The following PGM5 variants were observed in gnomAD, a reference collection of about 807,000 sequenced individuals.
PGM5 encodes phosphoglucomutase-like protein 5.
In PGM5, 23 loss-of-function variants were observed where a neutral mutation model predicts 59.2. That is an observed-to-expected ratio of 0.39 (90% CI 0.28 to 0.55). The LOEUF (loss-of-function observed/expected upper bound fraction) is 0.55, where lower values mean the gene tolerates loss of function less well. PGM5 is among the 20% of genes least tolerant of loss of function. The pLI is 0.66. For synonymous variants in PGM5, 214 were observed against 286.0 expected, an observed-to-expected ratio of 0.75 and a Z score of 2.54; for missense variants, 574 against 748.3, an observed-to-expected ratio of 0.77 and a Z score of 2.72.
intron 6 of PGM5, among the ~76,000 whole-genome samples, chr9:68,450,009 A>G (rs62553013): frequency 6.6e-6 from 1 of 152,198 alleles, no homozygotes; most frequent in African/African-American, 2.4e-5. Context: ...GGGTTTGACC[A>G]GTATAGTCAG....
intron 6 of PGM5, chr9:68,395,624 T>C (rs1681971200): frequency 6.6e-6 from 1 of 152,194 alleles, no homozygotes; most frequent in South Asian, 2.1e-4. Context: ...TACATGTATT[T>C]CATAATTTTT....
At chr9:68,483,814 C>T (rs782306675) in intron 8 of PGM5, 51 bp from the exon 9 acceptor site, 1 of 1,549,908 alleles carries the variant, frequency 6.5e-7, no homozygotes, top group South Asian at 1.1e-5. Flanking sequence ...AGTGGGCCAC[C>T]CAGTTGCTGG....
intron 6 of PGM5, among the ~76,000 whole-genome samples, chr9:68,403,730 A>G (rs1340108496): frequency 6.6e-6 from 1 of 151,910 alleles, no homozygotes; most frequent in Non-Finnish European, 1.5e-5. Flanking sequence ...GGGCAGGAAA[A>G]GTTCTGATTA....
At chr9:68,491,101 A>C (rs1445713306) in intron 9 of PGM5, among the ~76,000 whole-genome samples, 1 of 152,230 alleles carries the variant, frequency 6.6e-6, no homozygotes, top group African/African-American at 2.4e-5. Context: ...CACCTACTAG[A>C]CGCCAGTCAG....
chr9:68,476,509 T>C (rs1161066475), intron 7 of PGM5, among the ~76,000 whole-genome samples: 1 of 152,234 alleles, frequency 6.6e-6, no homozygotes, highest in Non-Finnish European at 1.5e-5. Context: ...TTAATCTGCC[T>C]GTCACTGATA....
At chr9:68,453,716 T>C (rs1247213304) in intron 6 of PGM5, among the ~76,000 whole-genome samples, 4 of 152,224 alleles carry the variant, frequency 2.6e-5, no homozygotes, top group African/African-American at 9.6e-5. Context: ...AGCACCTTTA[T>C]ATTAATGTAG....
rs575741040 is a variant in PGM5, at chr9:68,477,584, G to A, written c.1160-1834G>A. ...AGGTCCACTCTGTGGACCCAGTCCT[G>A]TTTCTTAAGACATTACTATTGCTAG... On this transcript the variant is annotated intron_variant, in intron 7 of 10. Transcript: ENST00000396396. 8.5e-5 allele frequency among the ~76,000 whole-genome samples: 13 copies of A among 152,302 alleles called. No homozygotes were observed. In the South Asian group the frequency reaches 2.3e-3, roughly 27 times the overall value.
At chr9:68,501,542 CA>C (rs1477161657) in intron 10 of PGM5, among the ~76,000 whole-genome samples, 2 of 152,170 alleles carry the variant, frequency 1.3e-5, no homozygotes, top group Non-Finnish European at 2.9e-5. Flanking sequence ...AACTGTTGAA[CA>C]GAGATAAAAG....
At chr9:68,382,576 A>T (rs1423285804) in intron 2 of PGM5, among the ~76,000 whole-genome samples, 8 of 151,946 alleles carry the variant, frequency 5.3e-5, no homozygotes, top group Admixed American at 4.6e-4. Flanking sequence ...TATGCACTTT[A>T]AAATCTCTGG....
intron 1 of PGM5, among the ~76,000 whole-genome samples, chr9:68,371,888 T>G: frequency 1.3e-5 from 2 of 151,426 alleles, no homozygotes; most frequent in Non-Finnish European, 1.5e-5. Flanking sequence ...GAGACTGGAG[T>G]GATGTGAACA....
intron 6 of PGM5, among the ~76,000 whole-genome samples, chr9:68,427,638 C>G (rs1013454930): frequency 1.3e-5 from 2 of 152,114 alleles, no homozygotes; most frequent in Non-Finnish European, 2.9e-5. Context: ...TTTCCATTTG[C>G]CTATTGCTGG....
chr9:68,519,392 TTAAGG>T (rs1227591329), intron 10 of PGM5, among the ~76,000 whole-genome samples: 2 of 152,022 alleles, frequency 1.3e-5, no homozygotes, highest in African/African-American at 2.4e-5. Context: ...ATAATTGTAG[TTAAGG>T]TAAGATCCTT....
At chr9:68,469,379 T>G (rs2132082244) in intron 7 of PGM5, among the ~76,000 whole-genome samples, 2 of 152,344 alleles carry the variant, frequency 1.3e-5, no homozygotes, top group East Asian at 3.9e-4. Flanking sequence ...AATGAGCACT[T>G]AGTATGTACC....
In PGM5 at chr9:68,401,925, GTGTGTATA is replaced by G. The variant is rs1310131664; in HGVS notation, c.1043+9454_1043+9461del. On this transcript the variant is annotated intron_variant, in intron 6 of 10. Coordinates refer to ENST00000396396, the MANE Select transcript of PGM5 (RefSeq NM_021965.4). ...TGTGTGTGTGTGTGTGTGTGTGTGTGTGTGTATATATTTGTCAAGGCTCATGAAACTGT... is the reference window on the plus strand; with the variant it reads ...TGTGTGTGTGTGTGTGTGTGTGTGTGTATTTGTCAAGGCTCATGAAACTGT... Among the ~76,000 whole-genome samples, 206 of 74,420 alleles carry G rather than the reference GTGTGTATA, an allele frequency of 2.8e-3. 3 individuals carry two copies. Among genetic ancestry groups the G allele is most frequent in the East Asian group, 0.016 (45 of 2,746 alleles). 48.8% of individuals were successfully genotyped at this position (74,420 alleles called of 152,430 possible).
chr9:68,404,396 T>A (rs550460783), intron 6 of PGM5, among the ~76,000 whole-genome samples: 1 of 152,338 alleles, frequency 6.6e-6, no homozygotes, highest in Non-Finnish European at 1.5e-5. Context: ...CCCAAAGTGC[T>A]GGGATTAGAG....
At chr9:68,478,547 C>A (rs1319198222) in intron 7 of PGM5, among the ~76,000 whole-genome samples, 3 of 152,132 alleles carry the variant, frequency 2.0e-5, no homozygotes, top group African/African-American at 7.2e-5. Context: ...GTTCTGGAGG[C>A]CAGAAGTCTA....
chr9:68,357,624 G>T, intron 1 of PGM5: 7 of 634,258 alleles, frequency 1.1e-5, no homozygotes, highest in Non-Finnish European at 1.8e-5. Flanking sequence ...GCCTTGAGGG[G>T]TTTCCGTCGT....
At chr9:68,420,537 G>A (rs907718963) in intron 6 of PGM5, among the ~76,000 whole-genome samples, 6 of 152,160 alleles carry the variant, frequency 3.9e-5, no homozygotes, top group African/African-American at 7.2e-5. Context: ...AAACTGTCAC[G>A]TACTATACAA....
chr9:68,412,548 G>A (rs1822952308), intron 6 of PGM5, among the ~76,000 whole-genome samples: 1 of 152,220 alleles, frequency 6.6e-6, no homozygotes, highest in African/African-American at 2.4e-5. Context: ...CTTAATGGAT[G>A]AAATCACCCT....
Sources: gnomAD v4.1 joint callset for allele counts (sites outside exome capture counted in the v4.1 genomes callset) on GRCh38, gnomAD v4.1.1 for gene constraint, MANE v1.5 for transcripts, NCBI Gene and HGNC (gene_info 2026-07-23, HGNC 2026-07-21) for gene names.